MEF2A: variants seen among roughly 807,000 people sequenced by gnomAD.
The protein encoded by MEF2A is myocyte-specific enhancer factor 2A.
MEF2A carries 28 observed loss-of-function variants against 55.8 expected under a neutral mutation model. The ratio of observed to expected loss-of-function variants is 0.50; its 90% CI spans 0.37 to 0.69. MEF2A has a LOEUF of 0.69. Among genes scored for constraint, MEF2A ranks in the 30% least tolerant of loss-of-function variants. MEF2A has a pLI of 0.00. For synonymous variants in MEF2A, 239 were observed against 227.1 expected, an observed-to-expected ratio of 1.05 and a Z score of -0.47; for missense variants, 528 against 626.2, an observed-to-expected ratio of 0.84 and a Z score of 1.67.
At chr15:99,659,445 A>C (rs1302030846) in intron 4 of MEF2A, among the ~76,000 whole-genome samples, 1 of 152,186 alleles carries the variant, frequency 6.6e-6, no homozygotes, top group African/African-American at 2.4e-5. Context: ...CTGGAGAGGA[A>C]TATGAAGACA....
intron 4 of MEF2A, among the ~76,000 whole-genome samples, chr15:99,647,980 A>G (rs1457322957): frequency 1.3e-5 from 2 of 152,196 alleles, no homozygotes; most frequent in Non-Finnish European, 2.9e-5. Context: ...TGCAGCCTAC[A>G]TCTTCACTAG....
At chr15:99,701,420 A>G (rs1179467566) in intron 8 of MEF2A, among the ~76,000 whole-genome samples, 1 of 152,238 alleles carries the variant, frequency 6.6e-6, no homozygotes. Flanking sequence ...TGTCAAGGTC[A>G]TGAAAAGGAA....
intron 2 of MEF2A, among the ~76,000 whole-genome samples, chr15:99,619,381 T>C (rs1048536604): frequency 2.6e-5 from 4 of 152,228 alleles, no homozygotes; most frequent in Admixed American, 1.3e-4. Flanking sequence ...CTGAGTTGTC[T>C]TGGCTCCAGT....
At chr15:99,603,543 T>TGTGTGTG (rs141750262) in intron 2 of MEF2A, among the ~76,000 whole-genome samples, 5 of 126,498 alleles carry the variant, frequency 4.0e-5, no homozygotes, top group African/African-American at 1.2e-4. Context: ...CTGGCTGATT[T>TGTGTGTG]TGTGTGTGTG....
At chr15:99,575,072 AT>A (rs1174788631) in intron 1 of MEF2A, among the ~76,000 whole-genome samples, 2 of 151,780 alleles carry the variant, frequency 1.3e-5, no homozygotes. Context: ...TATTAAAATT[AT>A]TTTTATTGTT....
chr15:99,568,060 T>C (rs1294027996), intron 1 of MEF2A, among the ~76,000 whole-genome samples: 1 of 152,208 alleles, frequency 6.6e-6, no homozygotes, highest in Non-Finnish European at 1.5e-5. Context: ...TAAACGCAAT[T>C]ATTTGCTTAC....
intron 3 of MEF2A, among the ~76,000 whole-genome samples, chr15:99,634,342 C>G (rs769129844): frequency 6.6e-6 from 1 of 152,096 alleles, no homozygotes; most frequent in Non-Finnish European, 1.5e-5. Flanking sequence ...CAGTATGATT[C>G]ATTATGAAGG....
At chr15:99,605,895 G>A (rs559795656) in intron 2 of MEF2A, among the ~76,000 whole-genome samples, 3 of 152,234 alleles carry the variant, frequency 2.0e-5, no homozygotes, top group Non-Finnish European at 4.4e-5. Context: ...ACTTGAGACC[G>A]GGAGGCAGAG....
intron 4 of MEF2A, among the ~76,000 whole-genome samples, chr15:99,649,513 T>A (rs965183580): frequency 6.6e-6 from 1 of 152,196 alleles, no homozygotes; most frequent in East Asian, 1.9e-4. Flanking sequence ...TAAGCATTGA[T>A]ACAAAAATAG....
intron 7 of MEF2A, among the ~76,000 whole-genome samples, chr15:99,685,003 A>C (rs2053942168): frequency 6.6e-6 from 1 of 152,042 alleles, no homozygotes. Flanking sequence ...GTTGGCTGTA[A>C]GTATTTGGCT....
intron 2 of MEF2A, among the ~76,000 whole-genome samples, chr15:99,615,795 A>T (rs889548197): frequency 2.0e-5 from 3 of 152,202 alleles, no homozygotes; most frequent in African/African-American, 7.2e-5. Context: ...AGACCTGTGT[A>T]TACTACACGT....
chr15:99,638,154 G>T (rs578149507), intron 3 of MEF2A, among the ~76,000 whole-genome samples: 30 of 152,100 alleles, frequency 2.0e-4, no homozygotes, highest in Admixed American at 1.5e-3. Context: ...GTTTTTATTG[G>T]TTGTAGAATT....
intron 3 of MEF2A, among the ~76,000 whole-genome samples, chr15:99,637,307 T>G (rs1265075366): frequency 6.6e-6 from 1 of 152,214 alleles, no homozygotes; most frequent in Non-Finnish European, 1.5e-5. Context: ...TTGTAATCTA[T>G]GAACATGTTT....
rs1317366300 is a variant in MEF2A at position 99,713,846 on chromosome 15, T to G, written c.*1075T>G. On this transcript the variant is annotated 3_prime_UTR_variant, in exon 12 of 12. Coordinates refer to ENST00000557942, the MANE Select transcript of MEF2A (RefSeq NM_001319206.4). The stretch of plus-strand genomic sequence containing the variant: ...AAATTAAAAGTTGAGCCAAACTCTT[T>G]GTGTATATAGCATCTTAAATATATT... 1 of 152,222 alleles carries G rather than the reference T, an allele frequency of 6.6e-6. No individual in the cohort carries two copies. The highest frequency in any genetic ancestry group is 1.5e-5 in the Non-Finnish European group (1 of 68,038). The allele number at this position is 152,222 out of a possible 1,614,324, so 9.4% of individuals were successfully genotyped here.
chr15:99,707,905 T>C (rs1339997391), intron 10 of MEF2A, among the ~76,000 whole-genome samples: 1 of 151,848 alleles, frequency 6.6e-6, no homozygotes, highest in Non-Finnish European at 1.5e-5. Flanking sequence ...AAGAAGTTCT[T>C]TTAAAACAGA....
At position 99,627,419 on chromosome 15, in the gene MEF2A, C is replaced by CAAAAAAAAA. The variant is rs139658538; in HGVS notation, c.-142-5536_-142-5528dup. Among the ~76,000 whole-genome samples the CAAAAAAAAA allele has an allele frequency of 2.8e-4, 12 of 43,056 alleles. 2 individuals are homozygous for CAAAAAAAAA. The highest frequency in any genetic ancestry group is 1.2e-3 in the African/African-American group (11 of 9,132). The allele number at this position is 43,056 out of a possible 152,430, so 28.2% of individuals were successfully genotyped here. A position where few individuals can be genotyped will look rare whatever the true frequency, so the allele number is the denominator to read the frequency against. On this transcript the variant is annotated intron_variant, in intron 2 of 11. Transcript: ENST00000557942. ...TGGGCGACAGAGTGAGACTTTATCT[C>CAAAAAAAAA]AAAAAAAAAAAAAAAAAAAAAAAAA...
intron 2 of MEF2A, among the ~76,000 whole-genome samples, chr15:99,619,888 T>G (rs1000536292): frequency 3.9e-5 from 6 of 152,198 alleles, no homozygotes; most frequent in Non-Finnish European, 8.8e-5. Flanking sequence ...TCACTTGGCT[T>G]GCAGTAAACC....
At chr15:99,628,395 A>G (rs1221432591) in intron 2 of MEF2A, among the ~76,000 whole-genome samples, 1 of 152,026 alleles carries the variant, frequency 6.6e-6, no homozygotes, top group Non-Finnish European at 1.5e-5. Context: ...CACTTCTATT[A>G]TCTTCTTTTA....
At chr15:99,644,764 C>G (rs2045663962) in intron 3 of MEF2A, among the ~76,000 whole-genome samples, 1 of 152,118 alleles carries the variant, frequency 6.6e-6, no homozygotes, top group Non-Finnish European at 1.5e-5. Flanking sequence ...AAAGAGAGTT[C>G]CCTTGCATTC....
Sources: gnomAD v4.1 joint callset for allele counts (sites outside exome capture counted in the v4.1 genomes callset) on GRCh38, gnomAD v4.1.1 for gene constraint, MANE v1.5 for transcripts, NCBI Gene and HGNC (gene_info 2026-07-23, HGNC 2026-07-21) for gene names.